MAP3K1: variants seen among roughly 807,000 people sequenced by gnomAD.
MAP3K1 encodes MAP/ERK kinase kinase 1.
Under a neutral mutation model 144.2 loss-of-function variants are expected in MAP3K1, and 36 were observed. The ratio of observed to expected loss-of-function variants is 0.25; its 90% CI spans 0.19 to 0.33. The LOEUF (loss-of-function observed/expected upper bound fraction) is 0.33. MAP3K1 is among the 10% of genes least tolerant of loss of function. MAP3K1 has a pLI of 1.00. For missense variants in MAP3K1, 1,650 were observed against 1,881.9 expected (o/e 0.88, Z 2.28); for synonymous variants, 718 against 688.7 (o/e 1.04, Z -0.67).
intron 6 of MAP3K1, among the ~76,000 whole-genome samples, chr5:56,867,524 G>A (rs1747713467): frequency 6.6e-6 from 1 of 151,936 alleles, no homozygotes; most frequent in South Asian, 2.1e-4. Flanking sequence ...AATTTTAAGG[G>A]GCTAAGAAAC....
intron 3 of MAP3K1, among the ~76,000 whole-genome samples, chr5:56,861,779 T>C (rs1221666483): frequency 6.6e-6 from 1 of 152,134 alleles, no homozygotes; most frequent in Admixed American, 6.5e-5. Flanking sequence ...GGTAAATTCA[T>C]GTGAGAGAGA....
intron 3 of MAP3K1, 56 bp from the exon 4 acceptor site, chr5:56,864,678 A>G (rs1747621700): frequency 1.3e-6 from 2 of 1,581,106 alleles, no homozygotes; most frequent in African/African-American, 1.3e-5. Context: ...TGACCGGATA[A>G]TAGTTTCTTA....
rs1284467087 is a variant in MAP3K1 at position 56,815,818 on chromosome 5, C to T, written c.245C>T (p.Ala82Val). 8.4e-6 allele frequency: 12 copies of T among 1,422,542 alleles called. No homozygotes were observed. The highest frequency in any genetic ancestry group is 5.9e-5 in the African/African-American group (4 of 67,618). 88.1% of individuals were successfully genotyped at this position (1,422,542 alleles called of 1,614,324 possible). Residue 82 changes from alanine to valine, a missense_variant, in exon 1 of 20, where the codon GCC becomes GTC. Physicochemically the swap from Ala to Val is moderately conservative, Grantham distance 64. Around this residue, in one of 6 missense-constraint regions of MAP3K1, gnomAD observed 360 missense variants for 274.7 expected, o/e 1.31. Transcript: ENST00000399503. Reference sequence around the variant, plus strand: ...CCTGAGCAGCCGCTCTTCCTTGCCGCCTCACCGCCGGCCTCCTCGACTTCC... The same window carrying T: ...CCTGAGCAGCCGCTCTTCCTTGCCGTCTCACCGCCGGCCTCCTCGACTTCC... ...QLPEQPLFLAASPPASSTSPS... is the reference protein window; with the variant it reads ...QLPEQPLFLAVSPPASSTSPS...
At chr5:56,827,338 G>A (rs757565859) in intron 1 of MAP3K1, among the ~76,000 whole-genome samples, 4 of 152,220 alleles carry the variant, frequency 2.6e-5, no homozygotes, top group Non-Finnish European at 5.9e-5. Flanking sequence ...CAGAGTGTTA[G>A]GAAGTGGGTC....
At chr5:56,816,538 C>T (rs1455059497) in intron 1 of MAP3K1, among the ~76,000 whole-genome samples, 2 of 152,016 alleles carry the variant, frequency 1.3e-5, no homozygotes, top group African/African-American at 4.8e-5. Flanking sequence ...GGGTGGGAGA[C>T]TGAGAGGACC....
intron 10 of MAP3K1, among the ~76,000 whole-genome samples, chr5:56,876,699 A>C (rs891114761): frequency 2.0e-5 from 3 of 152,226 alleles, no homozygotes; most frequent in African/African-American, 7.2e-5. Context: ...CCTCTCTTAA[A>C]TAAACTTCAG....
intron 1 of MAP3K1, among the ~76,000 whole-genome samples, chr5:56,824,674 A>G (rs948183280): frequency 6.6e-6 from 1 of 152,264 alleles, no homozygotes; most frequent in African/African-American, 2.4e-5. Context: ...CAAGATAGTT[A>G]TAGAAAGTGT....
rs144060895 is a variant in MAP3K1 at position 56,819,894 on chromosome 5, A to G, written c.482+3839A>G. ...CTATTAATGTGAGGAAATGTGTAAG[A>G]TTAGGAGTAACCCAAAGTTGTCTTT... On this transcript the variant is annotated intron_variant, in intron 1 of 19. Transcript: ENST00000399503. Among the ~76,000 whole-genome samples, 261 of 152,342 alleles carry G rather than the reference A, an allele frequency of 1.7e-3. 1 individual carries two copies. The highest frequency in any genetic ancestry group is 2.9e-3 in the Non-Finnish European group (198 of 68,030).
intron 1 of MAP3K1, among the ~76,000 whole-genome samples, chr5:56,817,610 T>C (rs1031234524): frequency 2.6e-5 from 4 of 152,254 alleles, no homozygotes; most frequent in African/African-American, 4.8e-5. Flanking sequence ...ACAAGAGTTA[T>C]GTACCTCTAT....
Position 56,881,750 on chromosome 5 carries a change from C to T in MAP3K1, c.2550C>T (p.Thr850=), listed in dbSNP as rs559208353. ...MLSVSSSTHF[T]RMRRRLMAIA... ...GTGTTTCCAGTTCCACTCACTTCAC[C>T]AGGATGCGTCGCCGTTTGATGGCTA... Residue 850 remains threonine, a synonymous_variant, in exon 14 of 20, where the codon ACC becomes ACT. Transcript: ENST00000399503. 1 of 1,614,042 alleles carries T rather than the reference C, an allele frequency of 6.2e-7. No homozygotes were observed. The highest frequency in any genetic ancestry group is 1.1e-5 in the South Asian group (1 of 91,062).
Position 56,888,281 on chromosome 5 carries a change from C to T in MAP3K1, c.4313C>T (p.Ala1438Val). ...RSCDVWSVGC[A>V]IIEMACAKPP... The stretch of plus-strand genomic sequence containing the variant: ...TGTGATGTATGGAGTGTTGGCTGTG[C>T]TATTATAGAAATGGCTTGTGCAAAA... The change falls in exon 19 of 20, where the codon GCT (alanine) becomes GTT (valine). Residue 1438 changes from alanine (A) to valine (V), a missense_variant. Physicochemically the swap from Ala to Val is moderately conservative, Grantham distance 64. Transcript: ENST00000399503. 1 of 1,613,466 alleles carries T rather than the reference C, an allele frequency of 6.2e-7. No individual in the cohort carries two copies. The highest frequency in any genetic ancestry group is 8.5e-7 in the Non-Finnish European group (1 of 1,179,478).
chr5:56,896,012 T>G lies in MAP3K1; in HGVS notation c.*2332T>G, dbSNP rs531694186. ...AAAAAAAATCTCTGGGTTAAGAAAATTTGGCTTAAATGTATCCTTTGTTAT... is the reference window on the plus strand; with the variant it reads ...AAAAAAAATCTCTGGGTTAAGAAAAGTTGGCTTAAATGTATCCTTTGTTAT... On this transcript the variant is annotated 3_prime_UTR_variant, in exon 20 of 20. Coordinates refer to ENST00000399503, the MANE Select transcript of MAP3K1 (RefSeq NM_005921.2). 4.4e-6 allele frequency: 1 copy of G among 226,400 alleles called. No individual in the cohort carries two copies. The highest frequency in any genetic ancestry group is 6.3e-5 in the East Asian group (1 of 15,772). The allele number at this position is 226,400 out of a possible 1,614,324, so 14.0% of individuals were successfully genotyped here. A position where few individuals can be genotyped will look rare whatever the true frequency, so the allele number is the denominator to read the frequency against.
intron 10 of MAP3K1, among the ~76,000 whole-genome samples, chr5:56,878,589 G>A (rs1032772246): frequency 6.6e-6 from 1 of 152,138 alleles, no homozygotes; most frequent in Non-Finnish European, 1.5e-5. Flanking sequence ...AGGCTCCTGG[G>A]TATTCATTTT....
At chr5:56,887,739 G>T in intron 18 of MAP3K1, 1 of 548,910 alleles carries the variant, frequency 1.8e-6, no homozygotes, top group Non-Finnish European at 3.2e-6. Flanking sequence ...TTTACTTAAC[G>T]GCTGTTACTA....
Position 56,853,580 on chromosome 5 carries a change from G to C in MAP3K1, c.483-3020G>C, listed in dbSNP as rs1445999. On this transcript the variant is annotated intron_variant, in intron 1 of 19. Coordinates refer to ENST00000399503, the MANE Select transcript of MAP3K1 (RefSeq NM_005921.2). The stretch of plus-strand genomic sequence containing the variant: ...CTCATGGAGCTTACAGTTCATAAGA[G>C]AGGAACAGTTTGCAAACTGCATTAA... 7.3e-3 allele frequency among the ~76,000 whole-genome samples: 1,110 copies of C among 152,288 alleles called. 13 individuals carry two copies. Among genetic ancestry groups the C allele is most frequent in the African/African-American group, 0.025 (1,051 of 41,538 alleles).
chr5:56,826,711 CA>C (rs762970314), intron 1 of MAP3K1, among the ~76,000 whole-genome samples: 6 of 152,252 alleles, frequency 3.9e-5, no homozygotes, highest in Non-Finnish European at 7.3e-5. Flanking sequence ...AGGTCACTCA[CA>C]TCCCTTTTTG....
chr5:56,838,052 T>C (rs1465645057), intron 1 of MAP3K1, among the ~76,000 whole-genome samples: 1 of 152,260 alleles, frequency 6.6e-6, no homozygotes, highest in East Asian at 1.9e-4. Flanking sequence ...TTCTGTATGC[T>C]AGGCAAACTC....
chr5:56,890,297 T>A (rs1748510772), intron 19 of MAP3K1, among the ~76,000 whole-genome samples: 1 of 152,184 alleles, frequency 6.6e-6, no homozygotes, highest in African/African-American at 2.4e-5. Flanking sequence ...CAATTGTAAA[T>A]AATTTTCAAA....
At chr5:56,839,078 T>C (rs1746735952) in intron 1 of MAP3K1, among the ~76,000 whole-genome samples, 1 of 152,180 alleles carries the variant, frequency 6.6e-6, no homozygotes, top group Non-Finnish European at 1.5e-5. Flanking sequence ...CATAGGTCAG[T>C]GGAGGGATTC....
Sources: allele counts gnomAD v4.1 joint callset (sites outside exome capture counted in the v4.1 genomes callset), GRCh38; gene constraint gnomAD v4.1.1; regional missense constraint gnomAD v4.1.1; transcripts MANE v1.5; gene names NCBI Gene and HGNC (gene_info 2026-07-23, HGNC 2026-07-21).